ASIC1: variants seen among roughly 807,000 people sequenced by gnomAD.
ASIC1 encodes the protein acid-sensing ion channel 1.
In ASIC1, 21 loss-of-function variants were observed where a neutral mutation model predicts 63.4. The ratio of observed to expected loss-of-function variants is 0.33; its 90% CI spans 0.23 to 0.48. The LOEUF (loss-of-function observed/expected upper bound fraction) is 0.48, where lower values mean the gene tolerates loss of function less well. Among genes scored for constraint, ASIC1 ranks in the 20% least tolerant of loss-of-function variants. The pLI is 0.99. For synonymous variants in ASIC1, 258 were observed against 278.2 expected (o/e 0.93, Z 0.72); for missense variants, 478 against 695.5 (o/e 0.69, Z 3.52).
At chr12:50,068,621 C>T (rs1950568730) in intron 3 of ASIC1, among the ~76,000 whole-genome samples, 1 of 151,920 alleles carries the variant, frequency 6.6e-6, no homozygotes. Context: ...CACTTAACGT[C>T]TCTACTTGGA....
At chr12:50,079,808 C>T (rs1950696211) in intron 7 of ASIC1, 94 bp from the exon 8 acceptor site, 2 of 1,437,056 alleles carry the variant, frequency 1.4e-6, no homozygotes, top group Admixed American at 2.3e-5. Flanking sequence ...GAAAGGGGCC[C>T]AGAGTTTCTC....
intron 4 of ASIC1, 87 bp downstream of exon 4, chr12:50,077,450 G>A (rs139994295): frequency 5.7e-5 from 89 of 1,552,860 alleles, no homozygotes; most frequent in Admixed American, 2.3e-4. Flanking sequence ...GTGAGACCTG[G>A]GCAGGGCCCG....
At chr12:50,080,359 A>T in intron 8 of ASIC1, 139 bp from the exon 9 acceptor site, 1 of 874,208 alleles carries the variant, frequency 1.1e-6, no homozygotes, top group Non-Finnish European at 1.8e-6. Context: ...TAATCCTAAA[A>T]GGCAGGTATC....
At chr12:50,077,091 T>C (rs2137841796) in intron 3 of ASIC1, 122 bp from the exon 4 acceptor site, 1 of 1,481,236 alleles carries the variant, frequency 6.8e-7, no homozygotes, top group East Asian at 2.3e-5. Context: ...GAGAATGGGC[T>C]GCACGGGAGG....
Position 50,059,145 on chromosome 12 carries a change from C to T in ASIC1, c.362+17C>T, listed in dbSNP as rs779174289. 1.2e-5 allele frequency: 20 copies of T among 1,609,612 alleles called. No homozygotes were observed. Among genetic ancestry groups the T allele is most frequent in the Non-Finnish European group, 1.6e-5 (19 of 1,178,254 alleles). On this transcript the variant is annotated intron_variant, in intron 2 of 11. Transcript: ENST00000447966. The surrounding 1 kb of genome is among the most constrained non-coding windows in gnomAD (Gnocchi z 4.6). Reference sequence around the variant, plus strand: ...CAACAACAGGTGGGTGGCTCCCACCCTCCCTCAGCCCTGCTCCTGGAGTTG... The same window carrying T: ...CAACAACAGGTGGGTGGCTCCCACCTTCCCTCAGCCCTGCTCCTGGAGTTG...
At position 50,080,020 on chromosome 12, in the gene ASIC1, G is replaced by C. The variant is rs1257253769; in HGVS notation, c.1170G>C (p.Leu390=). The C allele has an allele frequency of 1.2e-6, 2 of 1,613,894 alleles. No individual in the cohort carries two copies. The highest frequency in any genetic ancestry group is 2.2e-5 in the East Asian group (1 of 44,872). ...KIPSKASAKY[L]AKKFNKSEQY... ...CCAGCAAAGCCTCAGCCAAGTACCTGGCCAAGAAGTTCAACAAATCTGAGC... is the reference window on the plus strand; with the variant it reads ...CCAGCAAAGCCTCAGCCAAGTACCTCGCCAAGAAGTTCAACAAATCTGAGC... The change falls in exon 8 of 12, where the codon CTG becomes CTC. Residue 390 remains leucine, a synonymous_variant. Transcript: ENST00000447966.
rs531426627 is a variant in ASIC1 at position 50,059,415 on chromosome 12, C to A, written c.362+287C>A. ...GAGTGAGCTTTACCTTCATTCTGGC[C>A]ACTCTGTCTTGACCTTCTCGTCAGT... On this transcript the variant is annotated intron_variant, in intron 2 of 11. Transcript: ENST00000447966. This position sits in a 1 kb window ranked among gnomAD's most constrained non-coding sequence, Gnocchi z 4.6. Among the ~76,000 whole-genome samples, 1 of 152,326 alleles carries A rather than the reference C, an allele frequency of 6.6e-6. No individual in the cohort carries two copies. Among genetic ancestry groups the A allele is most frequent in the Non-Finnish European group, 1.5e-5 (1 of 68,026 alleles).
intron 3 of ASIC1, among the ~76,000 whole-genome samples, chr12:50,063,467 G>A (rs188276483): frequency 1.8e-4 from 27 of 152,336 alleles, no homozygotes; most frequent in East Asian, 1.9e-4. Flanking sequence ...GCCTGGAAGA[G>A]AAGGAAGAGG....
rs962780071 is a variant in ASIC1, at chr12:50,058,924, C to T, written c.158C>T (p.Ser53Phe). Reference protein sequence around the residue: ...RALWALCFLGSLAVLLCVCTE... With the variant: ...RALWALCFLGFLAVLLCVCTE... Reference sequence around the variant, plus strand: ...CTGTGGGCCCTGTGCTTCCTGGGCTCCCTGGCTGTGCTGCTGTGTGTGTGC... The same window carrying T: ...CTGTGGGCCCTGTGCTTCCTGGGCTTCCTGGCTGTGCTGCTGTGTGTGTGC... Residue 53 changes from serine (S) to phenylalanine (F), a missense_variant, in exon 2 of 12, where the codon TCC becomes TTC. By Grantham distance (155) the Ser-to-Phe change is radical (BLOSUM62 -2). Coordinates refer to ENST00000447966, the MANE Select transcript of ASIC1 (RefSeq NM_001095.4). 6.8e-6 allele frequency: 11 copies of T among 1,614,020 alleles called. No homozygotes were observed. Among genetic ancestry groups the T allele is most frequent in the Non-Finnish European group, 8.5e-6 (10 of 1,180,016 alleles).
At chr12:50,077,509 A>C (rs1055994287) in intron 4 of ASIC1, 146 bp downstream of exon 4, 4 of 1,207,888 alleles carry the variant, frequency 3.3e-6, no homozygotes, top group Non-Finnish European at 4.6e-6. Context: ...CACTGACTCT[A>C]CCTGACTTCC....
At chr12:50,076,959 C>T (rs772198107) in intron 3 of ASIC1, 3 of 637,890 alleles carry the variant, frequency 4.7e-6, no homozygotes, top group South Asian at 4.5e-5. Context: ...AACTGTCAAC[C>T]CCAACTAGAA....
chr12:50,074,112 G>C lies in ASIC1; in HGVS notation c.559-3101G>C. ...ACCCCGGGGTGCCCCTCGCTCCACCGGGCCCTGAGGCCTTCTCTGGGGAGC... is the reference window on the plus strand; with the variant it reads ...ACCCCGGGGTGCCCCTCGCTCCACCCGGCCCTGAGGCCTTCTCTGGGGAGC... On this transcript the variant is annotated intron_variant, in intron 3 of 11. Coordinates refer to ENST00000447966, the MANE Select transcript of ASIC1 (RefSeq NM_001095.4). This position sits in a 1 kb window ranked among gnomAD's most constrained non-coding sequence, Gnocchi z 4.2. 1.3e-6 allele frequency: 2 copies of C among 1,535,686 alleles called. No individual in the cohort carries two copies. The highest frequency in any genetic ancestry group is 1.2e-5 in the South Asian group (1 of 84,018).
Position 50,058,661 on chromosome 12 carries a change from G to A in ASIC1, c.-16-90G>A. On this transcript the variant is annotated intron_variant, in intron 1 of 11. Transcript: ENST00000447966. ...TGCCCGAGGAGTGGTGACCTCTGGAGATGAGGATTCTGGATGGGCACATGT... is the reference window on the plus strand; with the variant it reads ...TGCCCGAGGAGTGGTGACCTCTGGAAATGAGGATTCTGGATGGGCACATGT... 5 of 1,464,978 alleles carry A rather than the reference G, an allele frequency of 3.4e-6. No homozygotes were observed. The South Asian group carries it at 4.1e-5, about 12-fold the overall frequency. The allele number at this position is 1,464,978 out of a possible 1,614,324, so 90.7% of individuals were successfully genotyped here. A position where few individuals can be genotyped will look rare whatever the true frequency, so the allele number is the denominator to read the frequency against.
chr12:50,073,156 G>T (rs557378296), intron 3 of ASIC1, among the ~76,000 whole-genome samples: 1 of 152,126 alleles, frequency 6.6e-6, no homozygotes, highest in Non-Finnish European at 1.5e-5. Context: ...CATCATGGCA[G>T]TGGGTGCAAA....
rs1950719807 is a variant in ASIC1, at chr12:50,081,554, G to A, written c.1492G>A (p.Glu498Lys). ...LDDVKRHNPC[E>K]SLRGHPAGMT... ...TGTCCCCTTCCCCCAGAACCCGTGC[G>A]AGAGCCTTCGGGGCCACCCTGCCGG... is the stretch of plus-strand genomic sequence containing the variant. Residue 498 changes from glutamate to lysine, a missense_variant, in exon 12 of 12, where the codon GAG becomes AAG. Glu to Lys is a moderately conservative substitution (Grantham distance 56). Coordinates refer to ENST00000447966, the MANE Select transcript of ASIC1 (RefSeq NM_001095.4). The A allele has an allele frequency of 1.9e-6, 3 of 1,613,920 alleles. No individual in the cohort carries two copies. The highest frequency in any genetic ancestry group is 1.7e-5 in the Admixed American group (1 of 59,992).
chr12:50,065,745 C>T lies in ASIC1; in HGVS notation c.558+5791C>T, dbSNP rs766500198. Among the ~76,000 whole-genome samples, 12 of 152,340 alleles carry T rather than the reference C, an allele frequency of 7.9e-5. No individual in the cohort carries two copies. The South Asian group carries it at 1.4e-3, about 18-fold the overall frequency. ...TGAGTTCTTGGATAGAAAATGCTTT[C>T]CCACCCTTCTGCATGCCCTCTGTGT... On this transcript the variant is annotated intron_variant, in intron 3 of 11. Transcript: ENST00000447966.
chr12:50,073,789 A>G (rs1350454922), intron 3 of ASIC1: 2 of 1,535,936 alleles, frequency 1.3e-6, no homozygotes, highest in African/African-American at 2.7e-5. Context: ...GGCCTTTGCC[A>G]ACAGCTGCAC....
chr12:50,078,013 C>A lies in ASIC1; in HGVS notation c.723C>A (p.Phe241Leu). The A allele has an allele frequency of 6.2e-7, 1 of 1,612,898 alleles. No individual in the cohort carries two copies. Among genetic ancestry groups the A allele is most frequent in the Non-Finnish European group, 8.5e-7 (1 of 1,179,282 alleles). The stretch of plus-strand genomic sequence containing the variant: ...TCATTCCCCTAGACGAGACGTCCTT[C>A]GAAGCAGGCATCAAAGTGCAGATCC... ...PVWGETDETS[F>L]EAGIKVQIHS... The change falls in exon 5 of 12, where the codon TTC becomes TTA. Residue 241 changes from phenylalanine to leucine, a missense_variant. This residue lies in a region of ASIC1 where 290 missense variants were observed against 414.9 expected (regional missense o/e 0.70). Coordinates refer to ENST00000447966, the MANE Select transcript of ASIC1 (RefSeq NM_001095.4). This position sits in a 1 kb window ranked among gnomAD's most constrained non-coding sequence, Gnocchi z 6.0.
intron 7 of ASIC1, 79 bp downstream of exon 7, chr12:50,079,059 C>A: frequency 4.3e-6 from 6 of 1,407,606 alleles, no homozygotes; most frequent in Non-Finnish European, 6.0e-6. Flanking sequence ...TCAGGTCACG[C>A]TCCCAGAAGC....
Sources: gnomAD v4.1 joint callset for allele counts (sites outside exome capture counted in the v4.1 genomes callset) on GRCh38, gnomAD v4.1.1 for gene constraint, gnomAD v4.1.1 regional missense constraint, Gnocchi (gnomAD v3.1) non-coding constraint, MANE v1.5 for transcripts, NCBI Gene and HGNC (gene_info 2026-07-23, HGNC 2026-07-21) for gene names.